DHX9: variants seen among roughly 807,000 people sequenced by gnomAD.
DHX9 encodes ATP-dependent RNA helicase A.
Under a neutral mutation model 148.7 loss-of-function variants are expected in DHX9, and 27 were observed. The ratio of observed to expected loss-of-function variants is 0.18; its 90% CI spans 0.13 to 0.25. The LOEUF is 0.25. Among genes scored for constraint, DHX9 ranks in the 10% least tolerant of loss-of-function variants. The pLI is 1.00. For missense variants in DHX9, 796 were observed against 1,559.6 expected (o/e 0.51, Z 8.25); for synonymous variants, 529 against 516.6 (o/e 1.02, Z -0.33).
chr1:182,875,472 A>G (rs1011919232), intron 16 of DHX9, among the ~76,000 whole-genome samples: 1 of 152,168 alleles, frequency 6.6e-6, no homozygotes, highest in African/African-American at 2.4e-5. Context: ...ATCAGGGAGC[A>G]ATGAGGGATT....
chr1:182,845,310 A>G (rs943902082), intron 3 of DHX9, among the ~76,000 whole-genome samples: 2 of 151,968 alleles, frequency 1.3e-5, no homozygotes, highest in Non-Finnish European at 2.9e-5. Flanking sequence ...TCTGCTAGTG[A>G]CAAATTCTCT....
intron 1 of DHX9, 113 bp downstream of exon 1, chr1:182,839,569 G>T (rs1356215726): frequency 6.5e-6 from 1 of 152,752 alleles, no homozygotes; most frequent in Non-Finnish European, 1.5e-5. Flanking sequence ...GGCGGCGGCT[G>T]GGGGTGGGGG....
At chr1:182,844,391 T>C (rs944708620) in intron 3 of DHX9, among the ~76,000 whole-genome samples, 1 of 152,214 alleles carries the variant, frequency 6.6e-6, no homozygotes, top group African/African-American at 2.4e-5. Context: ...GATTTTTGTT[T>C]TGTTTTTCTG....
chr1:182,866,174 C>T (rs114144784), intron 12 of DHX9, among the ~76,000 whole-genome samples: 1,772 of 152,286 alleles, frequency 0.012, 18 homozygotes, highest in South Asian at 0.057. Flanking sequence ...CCTACGTATG[C>T]TGTGCCCTGT....
chr1:182,852,408 CTG>C (rs1429114689), intron 4 of DHX9, 64 bp downstream of exon 4: 2 of 1,186,208 alleles, frequency 1.7e-6, no homozygotes, highest in African/African-American at 3.1e-5. Context: ...ATCACCATCT[CTG>C]TTTCTCGTTT....
At chr1:182,854,001 GC>G in intron 5 of DHX9, 28 bp from the exon 6 acceptor site, 1 of 1,604,908 alleles carries the variant, frequency 6.2e-7, no homozygotes, top group Non-Finnish European at 8.5e-7. Context: ...ACTTAACACA[GC>G]CAAATTTAAT....
intron 19 of DHX9, 40 bp downstream of exon 19, chr1:182,876,943 C>A (rs1648830269): frequency 6.9e-7 from 1 of 1,448,758 alleles, no homozygotes; most frequent in Non-Finnish European, 9.6e-7. Context: ...TCCAGTGTTA[C>A]TAACTGGAAA....
In DHX9 at chr1:182,872,420, T is replaced by TA. The variant is rs1405080740; in HGVS notation, c.1642dup (p.Thr548AsnfsTer6). The stretch of plus-strand genomic sequence containing the variant: ...TTGTTCTTATGTCTGCTACTATTGA[T>TA]ACCAGCATGTTTTGTGAATATTTCT... On this transcript the variant is annotated frameshift_variant, in exon 15 of 28. Coordinates refer to ENST00000367549, the MANE Select transcript of DHX9 (RefSeq NM_001357.5). LOFTEE classifies it high-confidence loss of function. The TA allele has an allele frequency of 6.2e-7, 1 of 1,614,006 alleles. No individual in the cohort carries two copies. Among genetic ancestry groups the TA allele is most frequent in the African/African-American group, 1.3e-5 (1 of 74,932 alleles).
intron 3 of DHX9, among the ~76,000 whole-genome samples, chr1:182,849,880 G>T (rs896225280): frequency 6.7e-6 from 1 of 150,358 alleles, no homozygotes; most frequent in Non-Finnish European, 1.5e-5. Flanking sequence ...TACCTGTGAT[G>T]TGTCACAAAT....
Position 182,872,474 on chromosome 1 carries a change from G to A in DHX9, c.1695G>A (p.Gly565=). ...ATTGCCCCATCATTGAAGTTTATGG[G>A]AGGACTTACCCAGTTCAAGGTAATA... is the stretch of plus-strand genomic sequence containing the variant. ...FFNCPIIEVY[G]RTYPVQEYFL... The change falls in exon 15 of 28, where the codon GGG becomes GGA. Residue 565 remains glycine (G), a synonymous_variant. Coordinates refer to ENST00000367549, the MANE Select transcript of DHX9 (RefSeq NM_001357.5). The A allele has an allele frequency of 6.2e-7, 1 of 1,613,980 alleles. No individual in the cohort carries two copies. The highest frequency in any genetic ancestry group is 8.5e-7 in the Non-Finnish European group (1 of 1,179,924).
chr1:182,884,025 G>C (rs1649208030), intron 26 of DHX9, among the ~76,000 whole-genome samples: 1 of 152,144 alleles, frequency 6.6e-6, no homozygotes, highest in African/African-American at 2.4e-5. Flanking sequence ...TTTAAAGTCT[G>C]GATGATCTGG....
chr1:182,843,214 A>T, intron 2 of DHX9, 80 bp from the exon 3 acceptor site: 1 of 1,134,636 alleles, frequency 8.8e-7, no homozygotes, highest in Non-Finnish European at 1.2e-6. Context: ...GTTGTCTCTT[A>T]ATGGACTACT....
At chr1:182,879,537 T>A in intron 21 of DHX9, 127 bp downstream of exon 21, 1 of 838,164 alleles carries the variant, frequency 1.2e-6, no homozygotes, top group Non-Finnish European at 1.7e-6. Flanking sequence ...ATAATAATAG[T>A]AAGGCCTCCA....
chr1:182,845,857 C>T (rs560512225), intron 3 of DHX9, among the ~76,000 whole-genome samples: 6 of 152,290 alleles, frequency 3.9e-5, no homozygotes, highest in African/African-American at 1.2e-4. Context: ...CAAGATATGG[C>T]GGAGGCAGCA....
chr1:182,885,825 G>A (rs1392313487), intron 27 of DHX9, among the ~76,000 whole-genome samples: 2 of 152,172 alleles, frequency 1.3e-5, no homozygotes, highest in Non-Finnish European at 2.9e-5. Context: ...TAAATGCATA[G>A]AATAATTCAA....
intron 13 of DHX9, among the ~76,000 whole-genome samples, 172 bp downstream of exon 13, chr1:182,866,757 T>C (rs1289865301): frequency 1.3e-5 from 2 of 152,212 alleles, no homozygotes; most frequent in African/African-American, 2.4e-5. Context: ...ACCCATTAGA[T>C]CTTGTAGCTT....
chr1:182,883,457 A>G, intron 25 of DHX9, 63 bp from the exon 26 acceptor site: 6 of 1,571,410 alleles, frequency 3.8e-6, no homozygotes, highest in Middle Eastern at 1.7e-4. Flanking sequence ...AAAGCACAGT[A>G]TATAGCGGTA....
At chr1:182,884,960 TC>T (rs1301317451) in intron 27 of DHX9, 147 bp downstream of exon 27, 10 of 726,368 alleles carry the variant, frequency 1.4e-5, no homozygotes, top group Non-Finnish European at 2.2e-5. Context: ...AGTTTGATGT[TC>T]TGAGTTCTAA....
At chr1:182,876,602 C>A in intron 18 of DHX9, 61 bp downstream of exon 18, 1 of 1,476,980 alleles carries the variant, frequency 6.8e-7, no homozygotes. Context: ...ACAAATGTTA[C>A]AGGCTTTCAA....
Sources: allele counts gnomAD v4.1 joint callset (sites outside exome capture counted in the v4.1 genomes callset), GRCh38; gene constraint gnomAD v4.1.1; transcripts MANE v1.5; gene names NCBI Gene and HGNC (gene_info 2026-07-23, HGNC 2026-07-21).